The following LINC00305 variants were observed in gnomAD, a reference collection of about 807,000 sequenced individuals.
The protein encoded by LINC00305 is long independently transcribed non-coding RNA 305.
rs564817563 is a variant in LINC00305 at position 64,123,499 on chromosome 18, T to C, written n.315-24859A>G. Among the ~76,000 whole-genome samples the C allele has an allele frequency of 3.9e-5, 6 of 152,204 alleles. No individual in the cohort carries two copies. In the South Asian group the frequency reaches 1.2e-3, roughly 32 times the overall value. On this transcript the variant is annotated intron_variant and non_coding_transcript_variant, in intron 1 of 3. Coordinates refer to ENST00000666468, the Ensembl canonical transcript of LINC00305. ...AATGCCCAGTCTTTTTTTAAAAAAA[T>C]CACACTGTACCCCTTTCTCTGCTAA...
At chr18:64,096,870 T>A (rs1408717735) in intron 3 of LINC00305, among the ~76,000 whole-genome samples, 2 of 151,822 alleles carry the variant, frequency 1.3e-5, no homozygotes, top group Non-Finnish European at 2.9e-5. Flanking sequence ...AAATGTTTAA[T>A]GAACACAAAG....
chr18:64,083,475 A>G (rs1184774193), intron 3 of LINC00305, among the ~76,000 whole-genome samples: 3 of 152,222 alleles, frequency 2.0e-5, no homozygotes, highest in Non-Finnish European at 4.4e-5. Flanking sequence ...ATAGTCTTCA[A>G]TACACTGTAC....
intron 1 of LINC00305, among the ~76,000 whole-genome samples, chr18:64,126,342 A>G (rs1450830255): frequency 6.6e-6 from 1 of 152,098 alleles, no homozygotes; most frequent in African/African-American, 2.4e-5. Flanking sequence ...TGCAATGAAC[A>G]TACTTTCTTA....
intron 3 of LINC00305, among the ~76,000 whole-genome samples, chr18:64,087,787 T>A (rs926666857): frequency 6.6e-6 from 1 of 152,102 alleles, no homozygotes; most frequent in African/African-American, 2.4e-5. Context: ...TAACCATTAC[T>A]CAATAGAAAT....
At chr18:64,129,834 T>C (rs1365605497) in intron 1 of LINC00305, among the ~76,000 whole-genome samples, 3 of 152,106 alleles carry the variant, frequency 2.0e-5, no homozygotes, top group African/African-American at 4.8e-5. Flanking sequence ...TTTTGTAGAA[T>C]TGGTAAAGGC....
chr18:64,108,396 C>T (rs2051300732), intron 1 of LINC00305, among the ~76,000 whole-genome samples: 3 of 152,092 alleles, frequency 2.0e-5, no homozygotes, highest in African/African-American at 4.8e-5. Context: ...GGTCCATTCG[C>T]CCTCCTCAGG....
intron 1 of LINC00305, among the ~76,000 whole-genome samples, chr18:64,145,909 C>T (rs753519465): frequency 6.6e-6 from 1 of 152,052 alleles, no homozygotes; most frequent in Non-Finnish European, 1.5e-5. Flanking sequence ...GTAGGGTCCA[C>T]TTGTTTTCGA....
intron 1 of LINC00305, among the ~76,000 whole-genome samples, chr18:64,128,068 AATGTCACTGC>A (rs1364265672): frequency 6.6e-6 from 1 of 152,106 alleles, no homozygotes; most frequent in African/African-American, 2.4e-5. Context: ...AATGACATCC[AATGTCACTGC>A]ATGAGACTAA....
chr18:64,091,301 C>T (rs1426095519), intron 3 of LINC00305, among the ~76,000 whole-genome samples: 1 of 152,194 alleles, frequency 6.6e-6, no homozygotes. Flanking sequence ...TCCCAAACAT[C>T]ATGTGTTCAC....
At chr18:64,097,619 AAAG>A (rs1277212440) in intron 3 of LINC00305, among the ~76,000 whole-genome samples, 1 of 151,912 alleles carries the variant, frequency 6.6e-6, no homozygotes, top group Non-Finnish European at 1.5e-5. Flanking sequence ...GAAAAAATAT[AAAG>A]AACATTCTTA....
In LINC00305 at chr18:64,113,084, ATGTTATTC is replaced by A. The variant is rs2051322166; in HGVS notation, n.315-14452_315-14445del. ...GCAGAGTTTGCATTCAAAGAAAGCC[ATGTTATTC>A]TGACACTCAAACTCCTGGTCTTTCC... On this transcript the variant is annotated intron_variant and non_coding_transcript_variant, in intron 1 of 3. Coordinates refer to ENST00000666468, the Ensembl canonical transcript of LINC00305. Among the ~76,000 whole-genome samples, 2 of 152,224 alleles carry A rather than the reference ATGTTATTC, an allele frequency of 1.3e-5. 1 individual carries two copies. The highest frequency in any genetic ancestry group is 4.1e-4 in the South Asian group (2 of 4,836).
intron 1 of LINC00305, among the ~76,000 whole-genome samples, chr18:64,133,688 C>T (rs934618778): frequency 2.6e-5 from 4 of 152,154 alleles, no homozygotes; most frequent in Non-Finnish European, 5.9e-5. Flanking sequence ...TTTTTCCTTA[C>T]ATACTCCATG....
In LINC00305 at chr18:64,084,462, G is replaced by A. The variant is rs1197333133; in HGVS notation, n.541-4060C>T. Among the ~76,000 whole-genome samples, 4 of 152,270 alleles carry A rather than the reference G, an allele frequency of 2.6e-5. No individual in the cohort carries two copies. The East Asian group carries it at 7.7e-4, about 29-fold the overall frequency. On this transcript the variant is annotated intron_variant and non_coding_transcript_variant, in intron 3 of 3. Transcript: ENST00000666468. ...TTACCCTGGTAACAATACCGCACAT[G>A]TACCGCTGAACTTGAAATAAAAGTT...
rs2051462087 is a variant in LINC00305 at position 64,141,308 on chromosome 18, G to C, written n.314+7467C>G. Among the ~76,000 whole-genome samples the C allele has an allele frequency of 2.0e-5, 3 of 152,072 alleles. No individual in the cohort carries two copies. The South Asian group carries it at 6.2e-4, about 32-fold the overall frequency. On this transcript the variant is annotated intron_variant and non_coding_transcript_variant, in intron 1 of 3. Transcript: ENST00000666468. ...GGTTTTCAGATTTGATATCCAGAAA[G>C]AACCAAATGATTTCTTAAGCTATCT...
chr18:64,127,183 C>T (rs1205485797), intron 1 of LINC00305, among the ~76,000 whole-genome samples: 1 of 152,034 alleles, frequency 6.6e-6, no homozygotes, highest in Non-Finnish European at 1.5e-5. Flanking sequence ...GCTCCCTCAT[C>T]TCAATATTTA....
At chr18:64,127,002 T>A (rs1207438384) in intron 1 of LINC00305, among the ~76,000 whole-genome samples, 2 of 152,148 alleles carry the variant, frequency 1.3e-5, no homozygotes, top group African/African-American at 4.8e-5. Flanking sequence ...GCATGTTTGT[T>A]ACATGGTCTA....
chr18:64,103,194 G>A (rs936844140), intron 1 of LINC00305, among the ~76,000 whole-genome samples: 1 of 152,116 alleles, frequency 6.6e-6, no homozygotes, highest in African/African-American at 2.4e-5. Flanking sequence ...ATTTGTCCAC[G>A]TGTGTCTGCC....
rs563784596 is a variant in LINC00305 at position 64,100,675 on chromosome 18, A to C, written n.315-2035T>G. 3.3e-3 allele frequency among the ~76,000 whole-genome samples: 502 copies of C among 152,336 alleles called. 1 individual carries two copies. Among genetic ancestry groups the C allele is most frequent in the Non-Finnish European group, 6.1e-3 (416 of 68,022 alleles). On this transcript the variant is annotated intron_variant and non_coding_transcript_variant, in intron 1 of 3. Coordinates refer to ENST00000666468, the Ensembl canonical transcript of LINC00305. ...TTTTTTCTCTGGCAAATTGCCTCCTATGCAGTTATAGCTGTGTATTTCTCC... is the reference window on the plus strand; with the variant it reads ...TTTTTTCTCTGGCAAATTGCCTCCTCTGCAGTTATAGCTGTGTATTTCTCC...
rs74870611 is a variant in LINC00305, at chr18:64,127,117, C to T, written n.314+21658G>A. ...AGTAACCAATTTTGAAACCAAATAA[C>T]ATGTTAGGTGTCCAAAATAACATCA... On this transcript the variant is annotated intron_variant and non_coding_transcript_variant, in intron 1 of 3. Coordinates refer to ENST00000666468, the Ensembl canonical transcript of LINC00305. 8.1e-3 allele frequency among the ~76,000 whole-genome samples: 1,234 copies of T among 152,186 alleles called. 17 individuals are homozygous for T. Among genetic ancestry groups the T allele is most frequent in the African/African-American group, 0.028 (1,180 of 41,532 alleles).
Sources: allele counts gnomAD v4.1 joint callset (sites outside exome capture counted in the v4.1 genomes callset), GRCh38; gene constraint gnomAD v4.1.1; transcripts MANE v1.5; gene names NCBI Gene and HGNC (gene_info 2026-07-23, HGNC 2026-07-21).